Variants in NIPSNAP1 observed in about 807,000 individuals in gnomAD.
NIPSNAP1 encodes the protein nipsnap homolog 1, also known as protein NipSnap homolog 1.
In NIPSNAP1, 25 loss-of-function variants were observed where a neutral mutation model predicts 49.2. That is an observed-to-expected ratio of 0.51 (90% CI 0.37 to 0.71). The LOEUF (loss-of-function observed/expected upper bound fraction) is 0.71, where lower values mean the gene tolerates loss of function less well. Ranked by LOEUF, NIPSNAP1 falls within the 30% of genes least tolerant of loss-of-function variation. The pLI is 0.00. For missense variants in NIPSNAP1, 294 were observed against 361.0 expected (o/e 0.81, Z 1.50); for synonymous variants, 143 against 140.7 (o/e 1.02, Z -0.12).
chr22:29,564,244 T>C, intron 4 of NIPSNAP1: 1 of 447,612 alleles, frequency 2.2e-6, no homozygotes, highest in Admixed American at 2.6e-5. Flanking sequence ...TCACCTGTTT[T>C]TTGACTCCAT....
intron 4 of NIPSNAP1, among the ~76,000 whole-genome samples, chr22:29,565,739 C>T (rs535653363): frequency 6.6e-6 from 1 of 151,636 alleles, no homozygotes; most frequent in Admixed American, 6.6e-5. Flanking sequence ...GTCCCAGCTA[C>T]TCAGGAGGAT....
intron 4 of NIPSNAP1, among the ~76,000 whole-genome samples, chr22:29,567,400 A>G (rs1228629486): frequency 6.6e-6 from 1 of 152,184 alleles, no homozygotes; most frequent in Non-Finnish European, 1.5e-5. Context: ...TCACCCATAT[A>G]TGGAGACAGA....
intron 1 of NIPSNAP1, among the ~76,000 whole-genome samples, chr22:29,571,075 C>T (rs1162182997): frequency 6.6e-6 from 1 of 152,118 alleles, no homozygotes; most frequent in Non-Finnish European, 1.5e-5. Flanking sequence ...CCGTCCTCCC[C>T]AGCACTCTCA....
intron 8 of NIPSNAP1, among the ~76,000 whole-genome samples, chr22:29,559,915 ACTG>A (rs1376609357): frequency 6.6e-6 from 1 of 152,226 alleles, no homozygotes; most frequent in African/African-American, 2.4e-5. Flanking sequence ...AGGTCGTGTC[ACTG>A]CTATTTGAAA....
chr22:29,566,805 C>G (rs1434851299), intron 4 of NIPSNAP1, among the ~76,000 whole-genome samples: 1 of 151,618 alleles, frequency 6.6e-6, no homozygotes, highest in Non-Finnish European at 1.5e-5. Flanking sequence ...GCCTGGGAAA[C>G]CAGAGTGAGA....
Position 29,555,934 on chromosome 22 carries a change from A to G in NIPSNAP1, c.*1T>C, listed in dbSNP as rs2064290920. On this transcript the variant is annotated 3_prime_UTR_variant, in exon 10 of 10. Transcript: ENST00000216121. ...GGAAGGAGGTGGAGGTGTAGGCAGC[A>G]TCACTGCAGAGGCGAGATCTTCAAG... 2 of 1,551,722 alleles carry G rather than the reference A, an allele frequency of 1.3e-6. No homozygotes were observed. The highest frequency in any genetic ancestry group is 1.7e-6 in the Non-Finnish European group (2 of 1,146,874).
At position 29,555,824 on chromosome 22, in the gene NIPSNAP1, C is replaced by T; in HGVS notation, c.*111G>A. 1 of 966,486 alleles carries T rather than the reference C, an allele frequency of 1.0e-6. No individual in the cohort carries two copies. The allele number at this position is 966,486 out of a possible 1,614,324, so 59.9% of individuals were successfully genotyped here. ...CCCTTGTCTGAACTGAGCACTGCCCCTCAGAGTCCTCCCAGAGCCAAGACA... is the reference window on the plus strand; with the variant it reads ...CCCTTGTCTGAACTGAGCACTGCCCTTCAGAGTCCTCCCAGAGCCAAGACA... On this transcript the variant is annotated 3_prime_UTR_variant, in exon 10 of 10. Coordinates refer to ENST00000216121, the MANE Select transcript of NIPSNAP1 (RefSeq NM_003634.4).
chr22:29,577,419 A>AT (rs695552), intron 1 of NIPSNAP1, among the ~76,000 whole-genome samples: 125 of 138,500 alleles, frequency 9.0e-4, no homozygotes, highest in Non-Finnish European at 9.5e-4. Flanking sequence ...TGCCTGGCTA[A>AT]TTTTTTTTTT....
chr22:29,560,123 A>AAG (rs1467298786), intron 8 of NIPSNAP1, among the ~76,000 whole-genome samples: 19 of 152,266 alleles, frequency 1.2e-4, no homozygotes, highest in African/African-American at 4.3e-4. Context: ...AGCAATTCAC[A>AAG]GCTGGCTCCT....
chr22:29,579,398 G>A (rs559812196), intron 1 of NIPSNAP1, among the ~76,000 whole-genome samples: 4 of 145,714 alleles, frequency 2.7e-5, no homozygotes, highest in Admixed American at 7.2e-5. Flanking sequence ...CTGGGTTCAC[G>A]CCATTCTCCT....
At chr22:29,557,940 C>T (rs1243735564) in intron 9 of NIPSNAP1, among the ~76,000 whole-genome samples, 1 of 152,136 alleles carries the variant, frequency 6.6e-6, no homozygotes, top group Non-Finnish European at 1.5e-5. Flanking sequence ...TTTCAGGTTC[C>T]TAGCAAAGTG....
chr22:29,577,451 C>A (rs1159376935), intron 1 of NIPSNAP1, among the ~76,000 whole-genome samples: 1 of 148,690 alleles, frequency 6.7e-6, no homozygotes, highest in Admixed American at 6.7e-5. Context: ...CGAAGTCTCG[C>A]TCTTGTTCCC....
At chr22:29,576,978 G>T (rs2064457614) in intron 1 of NIPSNAP1, among the ~76,000 whole-genome samples, 1 of 150,936 alleles carries the variant, frequency 6.6e-6, no homozygotes, top group Non-Finnish European at 1.5e-5. Flanking sequence ...TCAGGGATCA[G>T]GGGTCCTTTC....
At chr22:29,569,425 G>A (rs1014695238) in intron 3 of NIPSNAP1, 138 bp from the exon 4 acceptor site, 63 of 710,126 alleles carry the variant, frequency 8.9e-5, no homozygotes, top group Non-Finnish European at 1.4e-4. Context: ...CTAGGCAAGA[G>A]GCCCTCAGGA....
At chr22:29,571,133 C>T (rs2064404865) in intron 1 of NIPSNAP1, among the ~76,000 whole-genome samples, 1 of 152,108 alleles carries the variant, frequency 6.6e-6, no homozygotes, top group African/African-American at 2.4e-5. Context: ...CATGGAAAGC[C>T]AAATACAAAT....
At chr22:29,557,707 A>G (rs1444811868) in intron 9 of NIPSNAP1, among the ~76,000 whole-genome samples, 4 of 152,214 alleles carry the variant, frequency 2.6e-5, no homozygotes, top group African/African-American at 9.6e-5. Context: ...CTAGGATTTC[A>G]GTTGTGAGCC....
In NIPSNAP1 at chr22:29,568,567, T is replaced by C. The variant is rs1046898652; in HGVS notation, c.367+626A>G. 1.2e-4 allele frequency among the ~76,000 whole-genome samples: 18 copies of C among 150,040 alleles called. 3 individuals are homozygous for C. The highest frequency in any genetic ancestry group is 1.2e-3 in the Admixed American group (18 of 15,056). ...CAGCACTTTGGGAGGCTGAGGCAGG[T>C]GGATCACCTGAGATCAGGAGTTCAA... On this transcript the variant is annotated intron_variant, in intron 4 of 9. Coordinates refer to ENST00000216121, the MANE Select transcript of NIPSNAP1 (RefSeq NM_003634.4).
chr22:29,570,648 C>G (rs2064401654), intron 1 of NIPSNAP1, 116 bp from the exon 2 acceptor site: 5 of 1,362,554 alleles, frequency 3.7e-6, no homozygotes, highest in Non-Finnish European at 5.0e-6. Flanking sequence ...GGAACAGGGC[C>G]ACGGAGTCCT....
At chr22:29,570,561 C>G in intron 1 of NIPSNAP1, 29 bp from the exon 2 acceptor site, 3 of 1,606,082 alleles carry the variant, frequency 1.9e-6, no homozygotes, top group Non-Finnish European at 2.6e-6. Flanking sequence ...GAGGGGGACG[C>G]GCGGAGGTTG....
Sources: allele counts gnomAD v4.1 joint callset (sites outside exome capture counted in the v4.1 genomes callset), GRCh38; gene constraint gnomAD v4.1.1; transcripts MANE v1.5; gene names NCBI Gene and HGNC (gene_info 2026-07-23, HGNC 2026-07-21).